BLTP1: variants seen among roughly 807,000 people sequenced by gnomAD.
BLTP1 encodes fragile site-associated protein.
At chr4:122,191,819 A>G in the BLTP1 span, among the ~76,000 whole-genome samples, 2 of 152,128 alleles carry the variant, frequency 1.3e-5, no homozygotes, top group African/African-American at 2.4e-5. Context: ...CGAAACAGCT[A>G]TGAGAATCCA....
At chr4:122,277,733 A>G in the BLTP1 span, 1 of 982,822 alleles carries the variant, frequency 1.0e-6, no homozygotes, top group East Asian at 1.1e-4. Flanking sequence ...CCTTCCTATC[A>G]ATTTCTTGTA....
chr4:122,251,128 G>T, the BLTP1 span: 6 of 981,974 alleles, frequency 6.1e-6, no homozygotes, highest in Non-Finnish European at 7.3e-6. Context: ...GTGACCTGGG[G>T]CAAGTTCCTA....
the BLTP1 span, chr4:122,209,453 T>A: frequency 1.0e-6 from 1 of 998,358 alleles, no homozygotes; most frequent in Non-Finnish European, 1.5e-6. Context: ...GAGACCAGCC[T>A]GGCCAACATG....
At chr4:122,220,173 C>G in the BLTP1 span, 2 of 323,406 alleles carry the variant, frequency 6.2e-6, no homozygotes, top group Non-Finnish European at 8.9e-6. Context: ...GCTAACGATC[C>G]TACTGAGGTA....
At chr4:122,270,850 T>G in the BLTP1 span, 1 of 428,036 alleles carries the variant, frequency 2.3e-6, no homozygotes, top group Non-Finnish European at 3.1e-6. Context: ...TTTGAACTCA[T>G]AAAAAGCCTG....
chr4:122,153,881 A>T, the BLTP1 span: 1 of 500,336 alleles, frequency 2.0e-6, no homozygotes, highest in Non-Finnish European at 2.6e-6. Context: ...TGGAAACTTT[A>T]AACAAGGAAA....
the BLTP1 span, chr4:122,200,762 T>C: frequency 1.1e-6 from 1 of 918,008 alleles, no homozygotes. Context: ...GTATCAACAC[T>C]GTAGCCTGAT....
the BLTP1 span, chr4:122,276,756 C>T: frequency 3.1e-6 from 3 of 965,560 alleles, no homozygotes; most frequent in East Asian, 3.4e-4. Context: ...TGGTGATCAT[C>T]TCTGAGAAAT....
At chr4:122,248,073 T>C in the BLTP1 span, 6 of 985,238 alleles carry the variant, frequency 6.1e-6, no homozygotes, top group Non-Finnish European at 7.2e-6. Context: ...GTTTCCATGA[T>C]TCCTGTCTGC....
chr4:122,187,236 A>G, the BLTP1 span: 5 of 979,778 alleles, frequency 5.1e-6, no homozygotes, highest in Non-Finnish European at 6.1e-6. Flanking sequence ...TTGATATGAT[A>G]AGAGTGCTCC....
At chr4:122,256,161 A>G in the BLTP1 span, 2 of 984,984 alleles carry the variant, frequency 2.0e-6, no homozygotes, top group South Asian at 9.4e-5. Flanking sequence ...TAGTCAAATT[A>G]GGGACCAATG....
the BLTP1 span, among the ~76,000 whole-genome samples, chr4:122,217,150 G>A: frequency 6.6e-6 from 1 of 151,956 alleles, no homozygotes; most frequent in Non-Finnish European, 1.5e-5. Flanking sequence ...TCAGTTGGCT[G>A]CAAGTATTTG....
the BLTP1 span, among the ~76,000 whole-genome samples, chr4:122,228,885 C>A: frequency 5.9e-5 from 9 of 152,088 alleles, no homozygotes; most frequent in Non-Finnish European, 1.2e-4. Context: ...TTGCTATTTG[C>A]CCCTTCTGAA....
chr4:122,351,549 T>C, the BLTP1 span, among the ~76,000 whole-genome samples: 1 of 152,174 alleles, frequency 6.6e-6, no homozygotes. Context: ...ACAGGTTAAA[T>C]ATGGTTATGT....
At chr4:122,168,019 T>A in the BLTP1 span, 2 of 417,178 alleles carry the variant, frequency 4.8e-6, no homozygotes, top group Non-Finnish European at 3.2e-6. Flanking sequence ...ATTCTGTGTC[T>A]AGTGTTGCCT....
At chr4:122,206,740 AT>A in the BLTP1 span, among the ~76,000 whole-genome samples, 1 of 151,876 alleles carries the variant, frequency 6.6e-6, no homozygotes, top group Non-Finnish European at 1.5e-5. Flanking sequence ...GAAGCAACAC[AT>A]AAAAAATGTG....
the BLTP1 span, chr4:122,279,737 T>C: frequency 6.3e-7 from 1 of 1,582,072 alleles, no homozygotes; most frequent in African/African-American, 1.4e-5. Context: ...TACTTGGCTG[T>C]TGGCTGTATT....
chr4:122,280,045 C>A, the BLTP1 span: 1 of 1,605,200 alleles, frequency 6.2e-7, no homozygotes, highest in Admixed American at 1.7e-5. Flanking sequence ...TTCTTTGCTG[C>A]ATTAACAAAA....
the BLTP1 span, chr4:122,238,281 C>G: frequency 1.2e-6 from 2 of 1,614,022 alleles, no homozygotes; most frequent in East Asian, 4.5e-5. Flanking sequence ...AGTCCTTCAT[C>G]TGTTGCTGAT....
Sources: gnomAD v4.1 joint callset for allele counts (sites outside exome capture counted in the v4.1 genomes callset) on GRCh38, gnomAD v4.1.1 for gene constraint, MANE v1.5 for transcripts, NCBI Gene and HGNC (gene_info 2026-07-23, HGNC 2026-07-21) for gene names.